The following CNTN5 variants were observed in gnomAD, a reference collection of about 807,000 sequenced individuals.
The protein encoded by CNTN5 is contactin 5, also known as contactin-5.
In CNTN5, 77 loss-of-function variants were observed where a neutral mutation model predicts 129.1. That is an observed-to-expected ratio of 0.60 (90% confidence interval 0.50 to 0.72). The LOEUF (loss-of-function observed/expected upper bound fraction) is 0.72. Among genes scored for constraint, CNTN5 ranks in the 30% least tolerant of loss-of-function variants. CNTN5 has a pLI of 0.00. For missense variants in CNTN5, 1,478 were observed against 1,328.8 expected, an observed-to-expected ratio of 1.11 and a Z score of -1.75; for synonymous variants, 509 against 465.6, an observed-to-expected ratio of 1.09 and a Z score of -1.20.
intron 1 of CNTN5, among the ~76,000 whole-genome samples, chr11:99,322,022 G>C (rs909191212): frequency 8.5e-5 from 13 of 152,110 alleles, no homozygotes; most frequent in Non-Finnish European, 1.2e-4. Flanking sequence ...AAATTGTAGA[G>C]TGTCCATAAA....
At chr11:99,966,714 G>A (rs1313830434) in intron 8 of CNTN5, among the ~76,000 whole-genome samples, 3 of 152,192 alleles carry the variant, frequency 2.0e-5, no homozygotes, top group African/African-American at 7.2e-5. Context: ...AGATGGTAGT[G>A]AGCGTAGATC....
At chr11:99,504,547 A>G (rs575631502) in intron 2 of CNTN5, among the ~76,000 whole-genome samples, 187 of 149,576 alleles carry the variant, frequency 1.3e-3, no homozygotes, top group African/African-American at 4.4e-3. Flanking sequence ...AAAAAAAAAA[A>G]GAAAGAAAAG....
chr11:99,385,859 A>G (rs1472049465), intron 2 of CNTN5, among the ~76,000 whole-genome samples: 1 of 152,150 alleles, frequency 6.6e-6, no homozygotes, highest in East Asian at 1.9e-4. Flanking sequence ...TGTACATCCT[A>G]CAAGATCTTT....
chr11:99,596,531 A>C (rs759970121), intron 3 of CNTN5, among the ~76,000 whole-genome samples: 3 of 152,206 alleles, frequency 2.0e-5, no homozygotes, highest in African/African-American at 7.2e-5. Flanking sequence ...GAAAAAGCTC[A>C]TAAGCTTCAT....
chr11:99,166,565 TGAATGACATA>T (rs1860883119), intron 1 of CNTN5, among the ~76,000 whole-genome samples: 1 of 152,106 alleles, frequency 6.6e-6, no homozygotes, highest in Non-Finnish European at 1.5e-5. Flanking sequence ...AAAGACAACC[TGAATGACATA>T]GAATAATGCA....
chr11:99,936,927 T>C (rs1950328355), intron 7 of CNTN5, among the ~76,000 whole-genome samples: 1 of 152,146 alleles, frequency 6.6e-6, no homozygotes, highest in African/African-American at 2.4e-5. Flanking sequence ...GTACATTTCA[T>C]TAGCAAGGAA....
intron 1 of CNTN5, among the ~76,000 whole-genome samples, chr11:99,222,880 A>G (rs1254486741): frequency 6.6e-6 from 1 of 152,160 alleles, no homozygotes. Flanking sequence ...ACTAGGCACC[A>G]ATAAGATCTA....
chr11:99,104,989 C>T (rs1187701850), intron 1 of CNTN5, among the ~76,000 whole-genome samples: 1 of 152,080 alleles, frequency 6.6e-6, no homozygotes, highest in Non-Finnish European at 1.5e-5. Flanking sequence ...TTAATCAATG[C>T]ACCGATGTAA....
At chr11:99,824,892 A>G (rs1946905689) in intron 4 of CNTN5, among the ~76,000 whole-genome samples, 1 of 152,052 alleles carries the variant, frequency 6.6e-6, no homozygotes, top group African/African-American at 2.4e-5. Context: ...ACATGGTTTA[A>G]TTTTTTGGAA....
At chr11:100,231,742 A>G (rs1008175643) in intron 16 of CNTN5, among the ~76,000 whole-genome samples, 1 of 152,200 alleles carries the variant, frequency 6.6e-6, no homozygotes. Flanking sequence ...AGGGTTCTCC[A>G]TTCTATTCTA....
chr11:99,905,662 T>C (rs537890079), intron 6 of CNTN5, among the ~76,000 whole-genome samples: 128 of 152,312 alleles, frequency 8.4e-4, no homozygotes, highest in African/African-American at 3.1e-3. Flanking sequence ...AGTAATTTTT[T>C]CTAAATGTGT....
intron 1 of CNTN5, among the ~76,000 whole-genome samples, chr11:99,053,578 G>T (rs1396124622): frequency 1.3e-5 from 2 of 151,638 alleles, no homozygotes; most frequent in Admixed American, 1.3e-4. Flanking sequence ...ACTTCTCTTT[G>T]TTGTCTTTGA....
intron 1 of CNTN5, among the ~76,000 whole-genome samples, chr11:99,137,596 A>G (rs919785629): frequency 2.6e-5 from 4 of 152,200 alleles, no homozygotes; most frequent in African/African-American, 9.6e-5. Flanking sequence ...CCTGTTTTAA[A>G]AATTATCTAA....
At chr11:100,037,971 G>A (rs906750134) in intron 9 of CNTN5, among the ~76,000 whole-genome samples, 6 of 152,012 alleles carry the variant, frequency 3.9e-5, no homozygotes, top group African/African-American at 1.4e-4. Flanking sequence ...ATTTCCTTCA[G>A]TTCTGCTCTG....
Position 99,382,845 on chromosome 11 carries a change from CTTTTTTTTTTTTTTT to C in CNTN5, c.-71+57377_-71+57391del, listed in dbSNP as rs1163660333. 1.8e-4 allele frequency among the ~76,000 whole-genome samples: 14 copies of C among 77,046 alleles called. No individual in the cohort carries two copies. In the East Asian group the frequency reaches 3.7e-3, roughly 20 times the overall value. The allele number at this position is 77,046 out of a possible 152,430, so 50.5% of individuals were successfully genotyped here. On this transcript the variant is annotated intron_variant, in intron 2 of 24. Coordinates refer to ENST00000524871, the MANE Select transcript of CNTN5 (RefSeq NM_014361.4). Reference sequence around the variant, plus strand: ...ACATCTCACTAGTGTCTCTAAATAACTTTTTTTTTTTTTTTTTTTTTTTTTTTTTTAGACAGAGTC... The same window carrying C: ...ACATCTCACTAGTGTCTCTAAATAACTTTTTTTTTTTTTTTAGACAGAGTC...
At chr11:99,468,282 T>C (rs1945024304) in intron 2 of CNTN5, among the ~76,000 whole-genome samples, 1 of 152,190 alleles carries the variant, frequency 6.6e-6, no homozygotes. Context: ...TCATGTAGGA[T>C]CATCTTCTGT....
At chr11:100,301,598 C>T (rs998368703) in intron 20 of CNTN5, among the ~76,000 whole-genome samples, 3 of 151,632 alleles carry the variant, frequency 2.0e-5, no homozygotes, top group South Asian at 4.2e-4. Flanking sequence ...ATTTGGCATT[C>T]GCTTACTAAT....
chr11:100,104,924 A>C (rs66605840), intron 13 of CNTN5, among the ~76,000 whole-genome samples: 12,372 of 152,160 alleles, frequency 0.081, 564 homozygotes, highest in Middle Eastern at 0.22. Context: ...TAGAATCTTC[A>C]TGTTATATTC....
chr11:99,471,940 GAATT>G (rs903750899), intron 2 of CNTN5, among the ~76,000 whole-genome samples: 31 of 152,000 alleles, frequency 2.0e-4, no homozygotes, highest in African/African-American at 7.5e-4. Context: ...TTTATTGAAT[GAATT>G]AAGTTTCTAT....
Sources: allele counts gnomAD v4.1 joint callset (sites outside exome capture counted in the v4.1 genomes callset), GRCh38; gene constraint gnomAD v4.1.1; transcripts MANE v1.5; gene names NCBI Gene and HGNC (gene_info 2026-07-23, HGNC 2026-07-21).